Variants in ABCC5 observed in about 807,000 individuals in gnomAD.
The protein encoded by ABCC5 is ATP binding cassette subfamily C member 5.
ABCC5 carries 61 observed loss-of-function variants against 160.9 expected under a neutral mutation model. That is an observed-to-expected ratio of 0.38 (90% CI 0.31 to 0.47). The LOEUF (loss-of-function observed/expected upper bound fraction) is 0.47, where lower values mean the gene tolerates loss of function less well. Ranked by LOEUF, ABCC5 falls within the 20% of genes least tolerant of loss-of-function variation. ABCC5 has a pLI of 0.99. For synonymous variants in ABCC5, 666 were observed against 700.6 expected (o/e 0.95, Z 0.78); for missense variants, 1,308 against 1,813.3 (o/e 0.72, Z 5.06).
At chr3:184,013,233 C>T (rs960238739) in intron 2 of ABCC5, among the ~76,000 whole-genome samples, 1 of 152,128 alleles carries the variant, frequency 6.6e-6, no homozygotes, top group African/African-American at 2.4e-5. Flanking sequence ...ATCTGAGTCT[C>T]TCCAAAGGAT....
At position 183,921,818 on chromosome 3, in the gene ABCC5, T is replaced by C. The variant is rs1430337767; in HGVS notation, c.4213-417A>G. Among the ~76,000 whole-genome samples the C allele has an allele frequency of 6.6e-6, 1 of 151,750 alleles. No homozygotes were observed. The highest frequency in any genetic ancestry group is 1.9e-4 in the East Asian group (1 of 5,170). ...GCTGAGGTGGGCAGACTGCCTGAGG[T>C]GAGGAGTTCAAGACCAGCCTGGCCA... is the stretch of plus-strand genomic sequence containing the variant. On this transcript the variant is annotated intron_variant, in intron 29 of 29. Transcript: ENST00000334444. This position sits in a 1 kb window ranked among gnomAD's most constrained non-coding sequence, Gnocchi z 4.1.
intron 11 of ABCC5, among the ~76,000 whole-genome samples, chr3:183,968,045 A>G (rs1717388214): frequency 6.6e-6 from 1 of 151,986 alleles, no homozygotes; most frequent in Non-Finnish European, 1.5e-5. Context: ...CCTCTTTCCT[A>G]TTCTGCTGCT....
In ABCC5 at chr3:183,951,479, C is replaced by A. The variant is rs757549047; in HGVS notation, c.2906G>T (p.Gly969Val). The A allele has an allele frequency of 2.0e-5, 32 of 1,614,018 alleles. No individual in the cohort carries two copies. The highest frequency in any genetic ancestry group is 9.3e-5 in the African/African-American group (7 of 74,910). The change falls in exon 20 of 30, where the codon GGG (glycine) becomes GTG (valine). Residue 969 changes from glycine (G) to valine (V), a missense_variant. Gly to Val is a moderately radical substitution (Grantham distance 109, BLOSUM62 -3). Around this residue, in one of 3 missense-constraint regions of ABCC5, gnomAD observed 1,142 missense variants for 1,527.1 expected, o/e 0.75. Coordinates refer to ENST00000334444, the MANE Select transcript of ABCC5 (RefSeq NM_005688.4). The surrounding 1 kb of genome is among the most constrained non-coding windows in gnomAD (Gnocchi z 4.7). ...TTTGGAAAACCTGTTGAGAATCCTCCCTGTGGGGGTCGTGTCAAAAAACTT... is the reference window on the plus strand; with the variant it reads ...TTTGGAAAACCTGTTGAGAATCCTCACTGTGGGGGTCGTGTCAAAAAACTT... ...PMKFFDTTPTGRILNRFSKDM... is the reference protein window; with the variant it reads ...PMKFFDTTPTVRILNRFSKDM...
chr3:183,953,064 T>G lies in ABCC5; in HGVS notation c.2667+22A>C, dbSNP rs756766559. ...GGCCACATTCTTAGACACAGAACTT[T>G]CCCATTTATGAGTAACCTTACCCCG... On this transcript the variant is annotated intron_variant, in intron 18 of 29. Coordinates refer to ENST00000334444, the MANE Select transcript of ABCC5 (RefSeq NM_005688.4). 16 of 1,603,996 alleles carry G rather than the reference T, an allele frequency of 1.0e-5. No individual in the cohort carries two copies. The South Asian group carries it at 1.7e-4, about 17-fold the overall frequency.
intron 17 of ABCC5, among the ~76,000 whole-genome samples, chr3:183,959,310 A>T (rs1409835790): frequency 6.6e-6 from 1 of 152,170 alleles, no homozygotes; most frequent in African/African-American, 2.4e-5. Flanking sequence ...CAAAGTGACG[A>T]GTCTACTGTT....
chr3:183,941,149 T>C (rs1714302868), intron 25 of ABCC5, among the ~76,000 whole-genome samples: 1 of 152,208 alleles, frequency 6.6e-6, no homozygotes, highest in South Asian at 2.1e-4. Flanking sequence ...CGTGAGCCAC[T>C]GCACCTGGCC....
chr3:184,004,160 A>G (rs1244862057), intron 2 of ABCC5, among the ~76,000 whole-genome samples: 1 of 150,852 alleles, frequency 6.6e-6, no homozygotes, highest in African/African-American at 2.4e-5. Flanking sequence ...AGTTGTGAAT[A>G]TTGGTCTTTT....
intron 12 of ABCC5, among the ~76,000 whole-genome samples, chr3:183,965,927 A>C (rs990973060): frequency 7.2e-5 from 11 of 152,222 alleles, no homozygotes; most frequent in Non-Finnish European, 1.3e-4. Context: ...TGCTTCTATG[A>C]AATGAGGACC....
At chr3:183,964,179 C>T (rs1479934052) in intron 14 of ABCC5, among the ~76,000 whole-genome samples, 1 of 152,180 alleles carries the variant, frequency 6.6e-6, no homozygotes, top group Admixed American at 6.5e-5. Context: ...AACCTCTTTC[C>T]CGCTAGTACC....
intron 25 of ABCC5, 123 bp from the exon 26 acceptor site, chr3:183,938,183 TTAAC>T (rs1164171371): frequency 2.2e-5 from 20 of 922,422 alleles, no homozygotes; most frequent in Non-Finnish European, 3.1e-5. Flanking sequence ...TTTCAACTGA[TTAAC>T]TGAGATAATG....
chr3:184,005,455 A>G (rs1390067778), intron 2 of ABCC5, among the ~76,000 whole-genome samples: 1 of 152,228 alleles, frequency 6.6e-6, no homozygotes, highest in Non-Finnish European at 1.5e-5. Context: ...GGAAAAGGAT[A>G]AATTTAATTC....
At chr3:183,995,181 T>C (rs539204702) in intron 2 of ABCC5, among the ~76,000 whole-genome samples, 1 of 152,272 alleles carries the variant, frequency 6.6e-6, no homozygotes, top group South Asian at 2.1e-4. Flanking sequence ...TCCTTATATA[T>C]TCTGGATTAA....
chr3:183,939,156 G>A (rs1714038352), intron 25 of ABCC5, among the ~76,000 whole-genome samples: 1 of 152,234 alleles, frequency 6.6e-6, no homozygotes, highest in African/African-American at 2.4e-5. Flanking sequence ...GCATTGGCCG[G>A]GCACGGTGGC....
chr3:183,922,338 C>T (rs1281616536), intron 29 of ABCC5, among the ~76,000 whole-genome samples: 1 of 151,444 alleles, frequency 6.6e-6, no homozygotes, highest in Non-Finnish European at 1.5e-5. Context: ...TGCTATTGCA[C>T]TCCCAGCCTG....
rs765697152 is a variant in ABCC5, at chr3:183,988,838, C to T, written c.288-111G>A. The T allele has an allele frequency of 6.4e-5, 81 of 1,265,554 alleles. No individual in the cohort carries two copies. Among genetic ancestry groups the T allele is most frequent in the Admixed American group, 1.3e-4 (5 of 38,754 alleles). 78.4% of individuals were successfully genotyped at this position (1,265,554 alleles called of 1,614,324 possible). A position where few individuals can be genotyped will look rare whatever the true frequency, so the allele number is the denominator to read the frequency against. On this transcript the variant is annotated intron_variant, in intron 3 of 29. Coordinates refer to ENST00000334444, the MANE Select transcript of ABCC5 (RefSeq NM_005688.4). The surrounding 1 kb of genome is among the most constrained non-coding windows in gnomAD (Gnocchi z 4.4). The stretch of plus-strand genomic sequence containing the variant: ...AGCTCTTAGCTAAAGACCAGTCTCC[C>T]CAGATGATCTAATCTTAGCCTGAAT...
At chr3:183,997,501 G>A (rs1012810818) in intron 2 of ABCC5, among the ~76,000 whole-genome samples, 2 of 151,986 alleles carry the variant, frequency 1.3e-5, no homozygotes, top group Non-Finnish European at 2.9e-5. Flanking sequence ...TTCAAGGTCG[G>A]GGAACTTACT....
chr3:183,960,488 C>T (rs1185559936), intron 16 of ABCC5, among the ~76,000 whole-genome samples: 1 of 152,244 alleles, frequency 6.6e-6, no homozygotes, highest in Non-Finnish European at 1.5e-5. Context: ...GCAACATACA[C>T]TCCCTGGAAA....
chr3:183,981,231 C>T (rs1718714882), intron 8 of ABCC5, among the ~76,000 whole-genome samples: 2 of 152,162 alleles, frequency 1.3e-5, no homozygotes, highest in African/African-American at 4.8e-5. Flanking sequence ...CCATCTGTGC[C>T]ATTTCTCCTA....
chr3:183,979,577 GAAC>G (rs1230565278), intron 8 of ABCC5, among the ~76,000 whole-genome samples: 1 of 152,146 alleles, frequency 6.6e-6, no homozygotes, highest in Non-Finnish European at 1.5e-5. Flanking sequence ...GCAGGAAGCA[GAAC>G]AATAAGATAC....
Sources: gnomAD v4.1 joint callset for allele counts (sites outside exome capture counted in the v4.1 genomes callset) on GRCh38, gnomAD v4.1.1 for gene constraint, gnomAD v4.1.1 regional missense constraint, Gnocchi (gnomAD v3.1) non-coding constraint, MANE v1.5 for transcripts, NCBI Gene and HGNC (gene_info 2026-07-23, HGNC 2026-07-21) for gene names.